Variants in PHF24 observed in about 807,000 individuals in gnomAD.
PHF24 encodes the protein Galpha inhibitory interacting protein.
A neutral mutation model predicts 42.6 loss-of-function variants in PHF24; 25 were observed. That is an observed-to-expected ratio of 0.59 (90% CI 0.43 to 0.82). The LOEUF (loss-of-function observed/expected upper bound fraction) is 0.82, where lower values mean the gene tolerates loss of function less well. Among genes scored for constraint, PHF24 ranks in the 40% least tolerant of loss-of-function variants. The probability of loss-of-function intolerance (pLI) is 0.00; values close to 1 mark genes in which losing one functional copy is unlikely to be tolerated. For synonymous variants in PHF24, 185 were observed against 204.8 expected (o/e 0.90, Z 0.83); for missense variants, 470 against 538.1 (o/e 0.87, Z 1.25).
At chr9:34,677,391 T>C in the PHF24 span, among the ~76,000 whole-genome samples, 2 of 76,448 alleles carry the variant, frequency 2.6e-5, no homozygotes, top group Non-Finnish European at 6.1e-5. Flanking sequence ...TGTAAACTGT[T>C]TTTTTTTTTT....
At chr9:34,980,456 A>T (rs1827350676) in exon 8 of PHF24, 1 of 152,226 alleles carries the variant, frequency 6.6e-6, no homozygotes, top group Non-Finnish European at 1.5e-5. Flanking sequence ...TTCCCATCCC[A>T]CAAGAGTCCT....
chr9:34,798,164 CTGTACACATGAAAA>C, the PHF24 span, among the ~76,000 whole-genome samples: 236 of 152,222 alleles, frequency 1.6e-3, 1 homozygote, highest in African/African-American at 5.4e-3. Context: ...GTTCTCAGAA[CTGTACACATGAAAA>C]AGAGTCAATT....
chr9:34,906,918 C>T, the PHF24 span, among the ~76,000 whole-genome samples: 23 of 152,216 alleles, frequency 1.5e-4, no homozygotes, highest in African/African-American at 4.8e-4. Flanking sequence ...AAGACTCTTG[C>T]TCTGTTGTCC....
chr9:34,903,613 C>A, the PHF24 span, among the ~76,000 whole-genome samples: 3 of 152,140 alleles, frequency 2.0e-5, no homozygotes, highest in East Asian at 5.8e-4. Flanking sequence ...AAACAGGAAC[C>A]AAAGAGCAAG....
At chr9:34,757,837 A>G in the PHF24 span, among the ~76,000 whole-genome samples, 1 of 152,040 alleles carries the variant, frequency 6.6e-6, no homozygotes, top group Non-Finnish European at 1.5e-5. Flanking sequence ...ATATATGCAC[A>G]TGGTGTGTTG....
chr9:34,819,578 GTTAT>G, the PHF24 span, among the ~76,000 whole-genome samples: 1 of 152,062 alleles, frequency 6.6e-6, no homozygotes, highest in Non-Finnish European at 1.5e-5. Flanking sequence ...TTAGAAGTAT[GTTAT>G]TTAGTTTCCA....
At chr9:34,725,850 G>C in the PHF24 span, 2 of 1,551,648 alleles carry the variant, frequency 1.3e-6, no homozygotes, top group African/African-American at 2.7e-5. Flanking sequence ...TCCTTCAAGG[G>C]GGGCTTGGGC....
the PHF24 span, among the ~76,000 whole-genome samples, chr9:34,765,741 T>A: frequency 2.0e-5 from 3 of 152,194 alleles, no homozygotes; most frequent in Admixed American, 6.5e-5. Context: ...GAACCTGTTG[T>A]TATGATGTTA....
the PHF24 span, among the ~76,000 whole-genome samples, chr9:34,946,060 G>A: frequency 6.6e-6 from 1 of 152,178 alleles, no homozygotes; most frequent in African/African-American, 2.4e-5. Flanking sequence ...GAGTGCAGCA[G>A]CTAGGGTTGC....
chr9:34,963,673 TTTC>T (rs748000901), intron 1 of PHF24, among the ~76,000 whole-genome samples: 4 of 152,188 alleles, frequency 2.6e-5, no homozygotes, highest in African/African-American at 4.8e-5. Context: ...TGGCTTCTCT[TTTC>T]TTACCATTGT....
the PHF24 span, among the ~76,000 whole-genome samples, chr9:34,852,171 A>T: frequency 2.6e-5 from 4 of 152,208 alleles, no homozygotes; most frequent in Non-Finnish European, 5.9e-5. Flanking sequence ...TCTCTTCCTT[A>T]TGACTTTCTT....
the PHF24 span, among the ~76,000 whole-genome samples, chr9:34,732,335 T>C: frequency 6.9e-4 from 105 of 152,312 alleles, 1 homozygote; most frequent in East Asian, 0.015. Context: ...AGTTTTGATT[T>C]GCATTTCTCT....
intron 6 of PHF24, 21 bp downstream of exon 6, chr9:34,977,264 G>C: frequency 6.4e-7 from 1 of 1,569,466 alleles, no homozygotes. Flanking sequence ...TACCAGTCCT[G>C]GTCCCCACTC....
chr9:34,797,208 A>G, the PHF24 span, among the ~76,000 whole-genome samples: 2 of 152,282 alleles, frequency 1.3e-5, no homozygotes, highest in South Asian at 4.1e-4. Context: ...CTTTGACCCC[A>G]CGGCAGTGTC....
At chr9:34,833,199 T>C in the PHF24 span, 20 of 1,534,292 alleles carry the variant, frequency 1.3e-5, no homozygotes, top group Non-Finnish European at 1.6e-5. Context: ...GGGTCCTTGC[T>C]CTTGCTAGGG....
intron 1 of PHF24, among the ~76,000 whole-genome samples, chr9:34,964,573 C>T (rs1193701503): frequency 1.3e-5 from 2 of 152,194 alleles, no homozygotes; most frequent in Non-Finnish European, 2.9e-5. Flanking sequence ...TCTCTATCAG[C>T]TCCTGCTCCA....
At chr9:34,740,925 G>T in the PHF24 span, among the ~76,000 whole-genome samples, 2 of 149,618 alleles carry the variant, frequency 1.3e-5, no homozygotes, top group Middle Eastern at 6.9e-3. Context: ...CACTCTTGTC[G>T]CCCAGATTGG....
chr9:34,830,818 A>G, the PHF24 span, among the ~76,000 whole-genome samples: 1 of 152,160 alleles, frequency 6.6e-6, no homozygotes, highest in South Asian at 2.1e-4. Flanking sequence ...AGGGGCTTAC[A>G]TTTCTTAGCA....
At chr9:34,975,871 C>T (rs983447412) in intron 3 of PHF24, among the ~76,000 whole-genome samples, 1 of 151,934 alleles carries the variant, frequency 6.6e-6, no homozygotes, top group East Asian at 1.9e-4. Flanking sequence ...CAAGAAATCC[C>T]TAGGTTAGCT....
Sources: allele counts gnomAD v4.1 joint callset (sites outside exome capture counted in the v4.1 genomes callset), GRCh38; gene constraint gnomAD v4.1.1; transcripts MANE v1.5; gene names NCBI Gene and HGNC (gene_info 2026-07-23, HGNC 2026-07-21).